The following ERBB4 variants were observed in gnomAD, a reference collection of about 807,000 sequenced individuals.
The protein encoded by ERBB4 is erb-b2 receptor tyrosine kinase 4, also known as receptor tyrosine-protein kinase erbB-4.
Under a neutral mutation model 158.0 loss-of-function variants are expected in ERBB4, and 42 were observed. The ratio of observed to expected loss-of-function variants is 0.27; its 90% CI spans 0.21 to 0.34. The LOEUF (loss-of-function observed/expected upper bound fraction) is 0.34, where lower values mean the gene tolerates loss of function less well. Ranked by LOEUF, ERBB4 falls within the 10% of genes least tolerant of loss-of-function variation. The pLI, the probability that ERBB4 is intolerant of heterozygous loss-of-function variation, is 1.00. For synonymous variants in ERBB4, 583 were observed against 558.7 expected, an observed-to-expected ratio of 1.04 and a Z score of -0.61; for missense variants, 1,333 against 1,624.1, an observed-to-expected ratio of 0.82 and a Z score of 3.08.
At chr2:212,260,943 CTAGA>C (rs1438075872) in intron 1 of ERBB4, among the ~76,000 whole-genome samples, 1 of 151,932 alleles carries the variant, frequency 6.6e-6, no homozygotes, top group Non-Finnish European at 1.5e-5. Flanking sequence ...GCATAACGGC[CTAGA>C]TATAGATATG....
At chr2:212,270,032 G>C (rs990196740) in intron 1 of ERBB4, among the ~76,000 whole-genome samples, 2 of 151,696 alleles carry the variant, frequency 1.3e-5, no homozygotes, top group Non-Finnish European at 2.9e-5. Flanking sequence ...ATTCCATAAA[G>C]TGACTAAGGA....
At chr2:211,409,310 G>A (rs1327954563) in intron 25 of ERBB4, among the ~76,000 whole-genome samples, 1 of 151,982 alleles carries the variant, frequency 6.6e-6, no homozygotes. Context: ...CCATAATAAT[G>A]CTTTTCAGTT....
chr2:211,871,059 G>A lies in ERBB4; in HGVS notation c.421+76371C>T, dbSNP rs185931362. On this transcript the variant is annotated intron_variant, in intron 3 of 27. Transcript: ENST00000342788. ...TCATGTGATTAGTGCTATATTTGAA[G>A]GTGAGTAATATTTTAGTATCATCAG... Among the ~76,000 whole-genome samples, 78 of 152,192 alleles carry A rather than the reference G, an allele frequency of 5.1e-4. 2 individuals carry two copies. Among genetic ancestry groups the A allele is most frequent in the African/African-American group, 1.6e-3 (68 of 41,532 alleles).
At chr2:212,240,436 G>A (rs1232949253) in intron 1 of ERBB4, among the ~76,000 whole-genome samples, 1 of 151,650 alleles carries the variant, frequency 6.6e-6, no homozygotes, top group African/African-American at 2.4e-5. Context: ...CACGAGACCA[G>A]CCTGACCAAC....
At chr2:211,988,923 T>C (rs2082002622) in intron 2 of ERBB4, among the ~76,000 whole-genome samples, 1 of 152,184 alleles carries the variant, frequency 6.6e-6, no homozygotes, top group Non-Finnish European at 1.5e-5. Flanking sequence ...TTATTTGCAA[T>C]CTATTTTTTT....
chr2:211,668,052 C>A (rs2071695719), intron 14 of ERBB4, among the ~76,000 whole-genome samples: 1 of 152,126 alleles, frequency 6.6e-6, no homozygotes, highest in Admixed American at 6.6e-5. Context: ...TATGGTATAG[C>A]CTTTTGCTCC....
intron 2 of ERBB4, among the ~76,000 whole-genome samples, chr2:212,107,230 C>T (rs537459189): frequency 5.9e-5 from 9 of 152,314 alleles, no homozygotes; most frequent in South Asian, 4.1e-4. Context: ...TGCAAAGCCA[C>T]GGGGGCAGAG....
chr2:212,077,911 C>G (rs1426733851), intron 2 of ERBB4, among the ~76,000 whole-genome samples: 4 of 151,872 alleles, frequency 2.6e-5, no homozygotes. Context: ...AGAACAAAGC[C>G]TATTATTCTG....
chr2:211,990,523 A>AAATAAAT (rs1559262650), intron 2 of ERBB4, among the ~76,000 whole-genome samples: 1,988 of 134,438 alleles, frequency 0.015, 19 homozygotes, highest in Middle Eastern at 0.031. Context: ...AATAAAAATA[A>AAATAAAT]AAATAAATAA....
chr2:211,947,282 G>A, intron 3 of ERBB4, 148 bp downstream of exon 3: 2 of 690,726 alleles, frequency 2.9e-6, no homozygotes, highest in Non-Finnish European at 2.5e-6. Context: ...GCATCACAGG[G>A]CATCATTGCT....
At chr2:212,026,551 T>C (rs2139939) in intron 2 of ERBB4, among the ~76,000 whole-genome samples, 92,497 of 151,654 alleles carry the variant, frequency 0.61, 31,130 homozygotes, top group East Asian at 0.92. Flanking sequence ...TGAATTATTA[T>C]AAACACACCA....
chr2:212,418,079 T>C (rs1288947027), intron 1 of ERBB4, among the ~76,000 whole-genome samples: 1 of 151,906 alleles, frequency 6.6e-6, no homozygotes, highest in African/African-American at 2.4e-5. Context: ...CTGAATCTAT[T>C]AACATCTTGG....
intron 2 of ERBB4, among the ~76,000 whole-genome samples, chr2:211,971,557 A>C (rs2081453584): frequency 6.6e-6 from 1 of 152,126 alleles, no homozygotes; most frequent in Non-Finnish European, 1.5e-5. Context: ...ATTCTATGAG[A>C]CCAGTATCAT....
chr2:212,515,285 G>C (rs1262654161), intron 1 of ERBB4, among the ~76,000 whole-genome samples: 3 of 152,138 alleles, frequency 2.0e-5, no homozygotes, highest in Non-Finnish European at 4.4e-5. Flanking sequence ...TCGTACATGA[G>C]AGCAGGTTGG....
chr2:211,444,430 T>C (rs1357586813), intron 20 of ERBB4, among the ~76,000 whole-genome samples: 1 of 152,080 alleles, frequency 6.6e-6, no homozygotes, highest in East Asian at 1.9e-4. Flanking sequence ...TCTTAAGTTA[T>C]CTATAATTGA....
intron 1 of ERBB4, among the ~76,000 whole-genome samples, chr2:212,220,213 C>G (rs977135189): frequency 6.6e-6 from 1 of 151,430 alleles, no homozygotes; most frequent in Non-Finnish European, 1.5e-5. Flanking sequence ...CCTTTTATAA[C>G]TGGATCAATA....
intron 3 of ERBB4, among the ~76,000 whole-genome samples, chr2:211,812,336 G>T (rs1163392728): frequency 6.6e-6 from 1 of 152,176 alleles, no homozygotes; most frequent in Non-Finnish European, 1.5e-5. Context: ...GTTTGGCTGG[G>T]TATCACCAGC....
intron 3 of ERBB4, among the ~76,000 whole-genome samples, chr2:211,853,676 C>T (rs2077776243): frequency 6.6e-6 from 1 of 152,044 alleles, no homozygotes; most frequent in Non-Finnish European, 1.5e-5. Flanking sequence ...ATTCCTCTTA[C>T]CTTATTCCAA....
chr2:211,503,467 C>T (rs567133806), intron 20 of ERBB4, among the ~76,000 whole-genome samples: 90 of 152,224 alleles, frequency 5.9e-4, no homozygotes, highest in African/African-American at 2.2e-3. Context: ...ATGGGAGACC[C>T]ACAGCATACC....
Sources: allele counts gnomAD v4.1 joint callset (sites outside exome capture counted in the v4.1 genomes callset), GRCh38; gene constraint gnomAD v4.1.1; transcripts MANE v1.5; gene names NCBI Gene and HGNC (gene_info 2026-07-23, HGNC 2026-07-21).